Variants in CTIF observed in about 807,000 individuals in gnomAD.
The protein encoded by CTIF is CBP80/20-dependent translation initiation factor.
In CTIF, 21 loss-of-function variants were observed where a neutral mutation model predicts 66.0. That is an observed-to-expected ratio of 0.32 (90% CI 0.23 to 0.46). The LOEUF (loss-of-function observed/expected upper bound fraction) is 0.46, where lower values mean the gene tolerates loss of function less well. Among genes scored for constraint, CTIF ranks in the 20% least tolerant of loss-of-function variants. The pLI is 1.00. For missense variants in CTIF, 739 were observed against 812.7 expected, an observed-to-expected ratio of 0.91 and a Z score of 1.10; for synonymous variants, 345 against 326.4, an observed-to-expected ratio of 1.06 and a Z score of -0.62.
intron 3 of CTIF, among the ~76,000 whole-genome samples, chr18:48,649,699 T>C (rs2091119739): frequency 6.6e-6 from 1 of 152,088 alleles, no homozygotes; most frequent in African/African-American, 2.4e-5. Context: ...CACCTCCCAG[T>C]AGGGGCCGAC....
intron 1 of CTIF, among the ~76,000 whole-genome samples, chr18:48,542,685 C>A (rs1325363451): frequency 6.6e-6 from 1 of 152,214 alleles, no homozygotes; most frequent in Non-Finnish European, 1.5e-5. Flanking sequence ...TTAGAGCAGT[C>A]ACCCTGGAAC....
chr18:48,730,441 CTGT>C (rs2092437111), intron 7 of CTIF, among the ~76,000 whole-genome samples: 1 of 136,020 alleles, frequency 7.4e-6, no homozygotes, highest in African/African-American at 2.6e-5. Flanking sequence ...TGAGGGGCCC[CTGT>C]GGTGTGAGGG....
chr18:48,597,415 A>G (rs546163740), intron 1 of CTIF, among the ~76,000 whole-genome samples: 44 of 152,278 alleles, frequency 2.9e-4, no homozygotes, highest in Non-Finnish European at 3.4e-4. Context: ...TATGATCTCC[A>G]GTGTTGGAGG....
At chr18:48,799,013 G>A (rs1039407548) in intron 9 of CTIF, among the ~76,000 whole-genome samples, 11 of 152,202 alleles carry the variant, frequency 7.2e-5, no homozygotes, top group Admixed American at 3.9e-4. Flanking sequence ...GCTGCCACCA[G>A]CGCGTGACTT....
intron 6 of CTIF, among the ~76,000 whole-genome samples, chr18:48,673,139 A>T (rs2091564318): frequency 6.6e-6 from 1 of 151,988 alleles, no homozygotes; most frequent in African/African-American, 2.4e-5. Flanking sequence ...ACCACGTCGC[A>T]CCTGCTTACA....
chr18:48,727,841 G>A (rs1052060644), intron 7 of CTIF, among the ~76,000 whole-genome samples: 1 of 152,214 alleles, frequency 6.6e-6, no homozygotes, highest in African/African-American at 2.4e-5. Flanking sequence ...TTTGGACTAT[G>A]CTTTCCTGAG....
At chr18:48,659,825 C>T (rs1045938910) in intron 3 of CTIF, among the ~76,000 whole-genome samples, 4 of 152,220 alleles carry the variant, frequency 2.6e-5, no homozygotes, top group African/African-American at 9.7e-5. Context: ...GGCTGAGCCA[C>T]AGGGCGGGGG....
At chr18:48,845,603 G>C (rs925316317) in intron 10 of CTIF, among the ~76,000 whole-genome samples, 29 of 152,018 alleles carry the variant, frequency 1.9e-4, no homozygotes, top group African/African-American at 7.0e-4. Context: ...TGTTCTCCAG[G>C]TCACCTCACT....
chr18:48,781,992 A>G (rs1280137508), intron 9 of CTIF, among the ~76,000 whole-genome samples: 10 of 152,034 alleles, frequency 6.6e-5, no homozygotes, highest in Non-Finnish European at 1.5e-4. Context: ...GCTTTGAAGC[A>G]GGGGCTGGGG....
intron 7 of CTIF, among the ~76,000 whole-genome samples, chr18:48,736,785 C>G (rs1261985145): frequency 6.6e-6 from 1 of 152,152 alleles, no homozygotes; most frequent in Non-Finnish European, 1.5e-5. Context: ...GGCCCGGCCT[C>G]AGGCGGGCAA....
At chr18:48,681,873 C>A (rs907508202) in intron 6 of CTIF, among the ~76,000 whole-genome samples, 1 of 152,176 alleles carries the variant, frequency 6.6e-6, no homozygotes, top group African/African-American at 2.4e-5. Context: ...GTAACCTCCG[C>A]CTCCCAGGTT....
At chr18:48,612,771 C>A (rs548188572) in intron 1 of CTIF, among the ~76,000 whole-genome samples, 3 of 152,290 alleles carry the variant, frequency 2.0e-5, no homozygotes, top group East Asian at 3.9e-4. Context: ...ATCTTACGGT[C>A]ACCAAGCAAG....
At chr18:48,613,801 G>A (rs1356360022) in intron 1 of CTIF, among the ~76,000 whole-genome samples, 1 of 152,184 alleles carries the variant, frequency 6.6e-6, no homozygotes, top group Non-Finnish European at 1.5e-5. Context: ...GGAGCTCTGG[G>A]GCAGGTCCTG....
intron 6 of CTIF, among the ~76,000 whole-genome samples, chr18:48,680,869 C>T (rs1299498021): frequency 2.0e-5 from 3 of 152,242 alleles, no homozygotes; most frequent in Non-Finnish European, 4.4e-5. Flanking sequence ...GTCTCATTCT[C>T]CTTCCTGGCA....
intron 7 of CTIF, among the ~76,000 whole-genome samples, chr18:48,731,320 G>A (rs184494081): frequency 6.6e-6 from 1 of 152,106 alleles, no homozygotes; most frequent in Admixed American, 6.5e-5. Context: ...TCACTGGGAG[G>A]GAGTAGAGAA....
At chr18:48,830,450 C>T (rs937964439) in intron 10 of CTIF, among the ~76,000 whole-genome samples, 2 of 152,180 alleles carry the variant, frequency 1.3e-5, no homozygotes, top group Non-Finnish European at 2.9e-5. Flanking sequence ...AGGCTACAGG[C>T]GTGAACCACC....
intron 7 of CTIF, among the ~76,000 whole-genome samples, chr18:48,757,308 G>A (rs937961438): frequency 9.2e-5 from 14 of 152,050 alleles, no homozygotes; most frequent in African/African-American, 3.4e-4. Flanking sequence ...GTTTTGCGGG[G>A]TGGATGGGGG....
rs538474807 is a variant in CTIF at position 48,760,612 on chromosome 18, A to C, written c.1072-778A>C. On this transcript the variant is annotated intron_variant, in intron 8 of 11. Transcript: ENST00000256413. ...TTCCAGCCAGATCTCACTTCCTTGCAGTTAAGTTGTTCCCATTCTTGGCCA... is the reference window on the plus strand; with the variant it reads ...TTCCAGCCAGATCTCACTTCCTTGCCGTTAAGTTGTTCCCATTCTTGGCCA... The C allele has an allele frequency of 5.9e-5, 9 of 152,296 alleles. No individual in the cohort carries two copies. The East Asian group carries it at 1.2e-3, about 20-fold the overall frequency. 9.4% of individuals were successfully genotyped at this position (152,296 alleles called of 1,614,324 possible).
chr18:48,820,929 C>T (rs2068470730), intron 10 of CTIF, among the ~76,000 whole-genome samples: 1 of 152,226 alleles, frequency 6.6e-6, no homozygotes, highest in Admixed American at 6.5e-5. Context: ...CTTACTCGGT[C>T]CCCACGCTCC....
Sources: gnomAD v4.1 joint callset for allele counts (sites outside exome capture counted in the v4.1 genomes callset) on GRCh38, gnomAD v4.1.1 for gene constraint, MANE v1.5 for transcripts, NCBI Gene and HGNC (gene_info 2026-07-23, HGNC 2026-07-21) for gene names.